ADGRL1: variants seen among roughly 807,000 people sequenced by gnomAD.
ADGRL1 encodes the protein adhesion G protein-coupled receptor L1.
Under a neutral mutation model 148.9 loss-of-function variants are expected in ADGRL1, and 31 were observed. The observed-to-expected ratio is 0.21, with a 90% confidence interval of 0.16 to 0.28. The LOEUF is 0.28. Ranked by LOEUF, ADGRL1 falls within the 10% of genes least tolerant of loss-of-function variation. ADGRL1 has a pLI of 1.00. For missense variants in ADGRL1, 1,521 were observed against 2,058.8 expected (o/e 0.74, Z 5.05); for synonymous variants, 937 against 900.3 (o/e 1.04, Z -0.73).
At position 14,159,309 on chromosome 19, in the gene ADGRL1, A is replaced by G; in HGVS notation, c.2023+92T>C. The G allele has an allele frequency of 6.3e-7, 1 of 1,576,360 alleles. No individual in the cohort carries two copies. The highest frequency in any genetic ancestry group is 1.3e-5 in the African/African-American group (1 of 74,272). On this transcript the variant is annotated intron_variant, in intron 10 of 22. Transcript: ENST00000361434. This position sits in a 1 kb window ranked among gnomAD's most constrained non-coding sequence, Gnocchi z 6.0. ...AGAACGAGACTCTGGCAAGATGCCC[A>G]AGGGTCGGATAGCCCCCCTGTGGCC...
intron 1 of ADGRL1, among the ~76,000 whole-genome samples, chr19:14,198,881 C>A (rs1972430243): frequency 6.6e-6 from 1 of 152,212 alleles, no homozygotes; most frequent in Non-Finnish European, 1.5e-5. Flanking sequence ...GGCACGTCCA[C>A]ACCACAGTGG....
In ADGRL1 at chr19:14,171,107, T is replaced by TC; in HGVS notation, c.285-317dup. The TC allele has an allele frequency of 1.6e-5, 4 of 249,438 alleles. No homozygotes were observed. In the South Asian group the frequency reaches 2.0e-4, roughly 12 times the overall value. The allele number at this position is 249,438 out of a possible 1,614,324, so 15.5% of individuals were successfully genotyped here. ...AAAGTGTGTAGCACCTCCCCTGTTCTCTTTTCCTCCTACTCCAGCCATGTA... is the reference window on the plus strand; with the variant it reads ...AAAGTGTGTAGCACCTCCCCTGTTCTCCTTTTCCTCCTACTCCAGCCATGTA... On this transcript the variant is annotated intron_variant, in intron 3 of 22. Coordinates refer to ENST00000361434, the MANE Select transcript of ADGRL1 (RefSeq NM_014921.5).
intron 18 of ADGRL1, among the ~76,000 whole-genome samples, chr19:14,153,823 C>T (rs1329715773): frequency 6.6e-6 from 1 of 151,580 alleles, no homozygotes; most frequent in African/African-American, 2.4e-5. Context: ...TGGCAGTGGG[C>T]GTCTGTAATC....
intron 4 of ADGRL1, 43 bp downstream of exon 4, chr19:14,170,639 T>A: frequency 8.2e-7 from 1 of 1,221,396 alleles, no homozygotes. Flanking sequence ...CACTCACTCA[T>A]GCGAGAAGGG....
At chr19:14,173,453 GTA>G (rs1491128272) in intron 3 of ADGRL1, among the ~76,000 whole-genome samples, 2 of 152,112 alleles carry the variant, frequency 1.3e-5, no homozygotes, top group Non-Finnish European at 2.9e-5. Flanking sequence ...AGAAAACATG[GTA>G]TATACAAGGT....
intron 4 of ADGRL1, chr19:14,167,171 G>A: frequency 1.3e-6 from 1 of 769,296 alleles, no homozygotes; most frequent in South Asian, 1.6e-5. Context: ...CCTCGCTCCT[G>A]CTTCCCCAAC....
rs1187677025 is a variant in ADGRL1 at position 14,157,979 on chromosome 19, G to T, written c.2438C>A (p.Thr813Asn). 1.2e-6 allele frequency: 2 copies of T among 1,614,092 alleles called. No homozygotes were observed. Among genetic ancestry groups the T allele is most frequent in the South Asian group, 2.2e-5 (2 of 91,088 alleles). Reference sequence around the variant, plus strand: ...GGACTCCACCAGGCGGCAGCCTTGGGTCGACCAGTAGCCCAGCATGGAACG... The same window carrying T: ...GGACTCCACCAGGCGGCAGCCTTGGTTCGACCAGTAGCCCAGCATGGAACG... ...SERSMLGYWS[T>N]QGCRLVESNK... Residue 813 changes from threonine (T) to asparagine (N), a missense_variant, in exon 13 of 23, where the codon ACC becomes AAC. Physicochemically the swap from Thr to Asn is moderately conservative, Grantham distance 65. Transcript: ENST00000361434. The surrounding 1 kb of genome is among the most constrained non-coding windows in gnomAD (Gnocchi z 7.5).
rs1968111894 is a variant in ADGRL1, at chr19:14,151,030, T to A, written c.4253A>T (p.Tyr1418Phe). The A allele has an allele frequency of 1.6e-5, 24 of 1,497,164 alleles. No individual in the cohort carries two copies. Among genetic ancestry groups the A allele is most frequent in the South Asian group, 3.7e-5 (3 of 80,412 alleles). The allele number at this position is 1,497,164 out of a possible 1,614,324, so 92.7% of individuals were successfully genotyped here. ...PPAPPGPPEI[Y>F]YTSRPPALVA... is the part of the protein sequence containing the mutation. ...CAGGGCTGGCGGGCGCGAGGTGTAG[T>A]AGATTTCGGGGGGGCCGGGGGGTGC... The change falls in exon 23 of 23, where the codon TAC (tyrosine) becomes TTC (phenylalanine). Residue 1418 changes from tyrosine (Y) to phenylalanine (F), a missense_variant. Coordinates refer to ENST00000361434, the MANE Select transcript of ADGRL1 (RefSeq NM_014921.5).
intron 11 of ADGRL1, among the ~76,000 whole-genome samples, 153 bp from the exon 12 acceptor site, chr19:14,158,705 G>A (rs777621735): frequency 2.0e-5 from 3 of 152,210 alleles, no homozygotes; most frequent in Non-Finnish European, 4.4e-5. Flanking sequence ...GGCAGGTGGG[G>A]GTCAGGGAGC....
rs1381030425 is a variant in ADGRL1, at chr19:14,161,851, C to T, written c.1196-225G>A. Among the ~76,000 whole-genome samples, 1 of 152,126 alleles carries T rather than the reference C, an allele frequency of 6.6e-6. No homozygotes were observed. The highest frequency in any genetic ancestry group is 2.4e-5 in the African/African-American group (1 of 41,420). Reference sequence around the variant, plus strand: ...TAAAGTAGCAAAGAGTGGTAAAAATCCACGATGTGTACCATAAGGTCTGAG... The same window carrying T: ...TAAAGTAGCAAAGAGTGGTAAAAATTCACGATGTGTACCATAAGGTCTGAG... On this transcript the variant is annotated intron_variant, in intron 5 of 22. Coordinates refer to ENST00000361434, the MANE Select transcript of ADGRL1 (RefSeq NM_014921.5). The surrounding 1 kb of genome is among the most constrained non-coding windows in gnomAD (Gnocchi z 4.4).
chr19:14,199,884 C>G (rs544970176), intron 1 of ADGRL1, among the ~76,000 whole-genome samples: 1 of 152,164 alleles, frequency 6.6e-6, no homozygotes, highest in South Asian at 2.1e-4. Context: ...CAGGCACTCA[C>G]CACCACACCC....
intron 1 of ADGRL1, among the ~76,000 whole-genome samples, chr19:14,201,265 C>T (rs1392057194): frequency 4.1e-5 from 6 of 145,426 alleles, no homozygotes; most frequent in Non-Finnish European, 7.4e-5. Flanking sequence ...TATTTTTAGC[C>T]TCTGAGGGAG....
At chr19:14,203,117 T>C (rs1164968000) in intron 1 of ADGRL1, among the ~76,000 whole-genome samples, 1 of 152,014 alleles carries the variant, frequency 6.6e-6, no homozygotes, top group East Asian at 1.9e-4. Flanking sequence ...GAGCTGTCTG[T>C]CTTGCCACGG....
chr19:14,151,065 T>TGGGGGGCGGGGGGGGGGGGGGGGGGGG lies in ADGRL1; in HGVS notation c.4217_4218insCCCCCCCCCCCCCCCCCCCCGCCCCCC (p.Pro1409_Ala1410insProProProArgProProProProPro). 1 of 227,604 alleles carries TGGGGGGCGGGGGGGGGGGGGGGGGGGG rather than the reference T, an allele frequency of 4.4e-6. No individual in the cohort carries two copies. 14.1% of individuals were successfully genotyped at this position (227,604 alleles called of 1,614,324 possible). A position where few individuals can be genotyped will look rare whatever the true frequency, so the allele number is the denominator to read the frequency against. On this transcript the variant is annotated inframe_insertion, in exon 23 of 23. Coordinates refer to ENST00000361434, the MANE Select transcript of ADGRL1 (RefSeq NM_014921.5). ...GGGGGCCGGGGGGTGCGGGAGGGGG[T>TGGGGGGCGGGGGGGGGGGGGGGGGGGG]GGGGGCAGGGCCTCACTGGGCCCCT... is the stretch of plus-strand genomic sequence containing the variant.
In ADGRL1 at chr19:14,160,831, AAC is replaced by A. The variant is rs1446976414; in HGVS notation, c.1511-137_1511-136del. 7.2e-6 allele frequency: 5 copies of A among 689,868 alleles called. No homozygotes were observed. The highest frequency in any genetic ancestry group is 1.3e-5 in the Non-Finnish European group (5 of 378,858). 42.7% of individuals were successfully genotyped at this position (689,868 alleles called of 1,614,324 possible). A position where few individuals can be genotyped will look rare whatever the true frequency, so the allele number is the denominator to read the frequency against. On this transcript the variant is annotated intron_variant, in intron 6 of 22. Coordinates refer to ENST00000361434, the MANE Select transcript of ADGRL1 (RefSeq NM_014921.5). This position sits in a 1 kb window ranked among gnomAD's most constrained non-coding sequence, Gnocchi z 5.9. ...GAGGGAGGTGAGGGAAACACGGAGA[AAC>A]AGACATGAAGCGGGCTGGACAGTCG...
Position 14,160,105 on chromosome 19 carries a change from G to T in ADGRL1, c.1800+7C>A, listed in dbSNP as rs773960348. 5 of 1,574,534 alleles carry T rather than the reference G, an allele frequency of 3.2e-6. No homozygotes were observed. In the South Asian group the frequency reaches 5.6e-5, roughly 18 times the overall value. ...CATACCAGGTCAGCGCCACCGCCAGGCCCCACCTTGTTGTAGTTCTTGCCG... is the reference window on the plus strand; with the variant it reads ...CATACCAGGTCAGCGCCACCGCCAGTCCCCACCTTGTTGTAGTTCTTGCCG... On this transcript the variant is annotated splice_region_variant and intron_variant, in intron 8 of 22. Transcript: ENST00000361434. The surrounding 1 kb of genome is among the most constrained non-coding windows in gnomAD (Gnocchi z 5.9).
In ADGRL1 at chr19:14,158,323, GA is replaced by G. The variant is rs1318415631; in HGVS notation, c.2364+14del. 1 of 1,611,762 alleles carries G rather than the reference GA, an allele frequency of 6.2e-7. No individual in the cohort carries two copies. Among genetic ancestry groups the G allele is most frequent in the Non-Finnish European group, 8.5e-7 (1 of 1,179,120 alleles). ...ACAGGGACCCCCATGGAGGGAGGGGGACGGCTCAGCTCACCTCCAGGTGGGC... is the reference window on the plus strand; with the variant it reads ...ACAGGGACCCCCATGGAGGGAGGGGGCGGCTCAGCTCACCTCCAGGTGGGC... On this transcript the variant is annotated intron_variant, in intron 12 of 22. Transcript: ENST00000361434.
chr19:14,175,325 C>G (rs1020774635), intron 3 of ADGRL1, among the ~76,000 whole-genome samples: 5 of 152,060 alleles, frequency 3.3e-5, no homozygotes, highest in Admixed American at 2.6e-4. Context: ...AAACCCTCAT[C>G]CACATACACA....
At position 14,155,684 on chromosome 19, in the gene ADGRL1, C is replaced by A. The variant is rs780023080; in HGVS notation, c.3126-157G>T. 1.5e-6 allele frequency: 1 copy of A among 659,860 alleles called. No individual in the cohort carries two copies. The highest frequency in any genetic ancestry group is 2.6e-6 in the Non-Finnish European group (1 of 390,526). 40.9% of individuals were successfully genotyped at this position (659,860 alleles called of 1,614,324 possible). A position where few individuals can be genotyped will look rare whatever the true frequency, so the allele number is the denominator to read the frequency against. On this transcript the variant is annotated intron_variant, in intron 17 of 22. Transcript: ENST00000361434. The surrounding 1 kb of genome is among the most constrained non-coding windows in gnomAD (Gnocchi z 5.0). ...AGTGGGCCTTGGGGGCAGTGGCCTG[C>A]CCAGGACACCTCCACCGGAGCCTGG...
Sources: gnomAD v4.1 joint callset for allele counts (sites outside exome capture counted in the v4.1 genomes callset) on GRCh38, gnomAD v4.1.1 for gene constraint, Gnocchi (gnomAD v3.1) non-coding constraint, MANE v1.5 for transcripts, NCBI Gene and HGNC (gene_info 2026-07-23, HGNC 2026-07-21) for gene names.